The following MYOF variants were observed in gnomAD, a reference collection of about 807,000 sequenced individuals.
MYOF encodes myoferlin.
In MYOF, 244 loss-of-function variants were observed where a neutral mutation model predicts 284.2. That is an observed-to-expected ratio of 0.86 (90% CI 0.77 to 0.95). MYOF has a LOEUF of 0.95. Among genes scored for constraint, MYOF ranks in the 40% least tolerant of loss-of-function variants. The pLI is 0.00. For synonymous variants in MYOF, 904 were observed against 919.7 expected, an observed-to-expected ratio of 0.98 and a Z score of 0.31; for missense variants, 2,496 against 2,560.6, an observed-to-expected ratio of 0.97 and a Z score of 0.54.
chr10:93,432,723 A>G (rs555536907), intron 3 of MYOF, among the ~76,000 whole-genome samples: 1 of 152,198 alleles, frequency 6.6e-6, no homozygotes, highest in African/African-American at 2.4e-5. Context: ...TCTATCTCCT[A>G]TCATACCTAA....
At chr10:93,385,710 T>C (rs1268033116) in intron 19 of MYOF, among the ~76,000 whole-genome samples, 1 of 152,216 alleles carries the variant, frequency 6.6e-6, no homozygotes, top group Non-Finnish European at 1.5e-5. Context: ...TTATATTTAT[T>C]TAATTAAAAA....
In MYOF at chr10:93,408,817, G is replaced by T; in HGVS notation, c.699C>A (p.Ile233=). Residue 233 remains isoleucine (I), a synonymous_variant, in exon 7 of 54, where the codon ATC becomes ATA. Transcript: ENST00000359263. ...HVCGQTHRTR[I]KRGNNPFFDE... ...CAAAAAAAGGGTTGTTTCCTCTCTTGATTCTTGTTCGGTGTGTCTGGCCAC... is the reference window on the plus strand; with the variant it reads ...CAAAAAAAGGGTTGTTTCCTCTCTTTATTCTTGTTCGGTGTGTCTGGCCAC... The T allele has an allele frequency of 6.2e-7, 1 of 1,614,124 alleles. No individual in the cohort carries two copies. The highest frequency in any genetic ancestry group is 8.5e-7 in the Non-Finnish European group (1 of 1,180,024).
chr10:93,435,995 A>G (rs151245598), intron 3 of MYOF, among the ~76,000 whole-genome samples: 1 of 151,528 alleles, frequency 6.6e-6, no homozygotes, highest in African/African-American at 2.4e-5. Context: ...CTCCTAGAAC[A>G]TGTTCGTGTT....
At chr10:93,369,881 A>C (rs1845507811) in intron 24 of MYOF, 105 bp from the exon 25 acceptor site, 1 of 1,398,876 alleles carries the variant, frequency 7.1e-7, no homozygotes, top group Non-Finnish European at 9.8e-7. Flanking sequence ...TGCTTTCACC[A>C]GTCTAATTTT....
intron 29 of MYOF, 140 bp from the exon 30 acceptor site, chr10:93,356,988 A>G (rs1198367771): frequency 1.1e-6 from 1 of 909,564 alleles, no homozygotes; most frequent in East Asian, 2.7e-5. Flanking sequence ...TAGAGTCAGG[A>G]ATACAGAAAA....
At chr10:93,348,297 T>G (rs1844334025) in intron 36 of MYOF, among the ~76,000 whole-genome samples, 1 of 152,220 alleles carries the variant, frequency 6.6e-6, no homozygotes, top group South Asian at 2.1e-4. Flanking sequence ...GGGAAATAAC[T>G]GTGGCTGAGA....
chr10:93,310,601 C>CCTCCTTCTCGTT lies in MYOF; in HGVS notation c.5920_5931dup (p.Asn1974_Glu1977dup). On this transcript the variant is annotated inframe_insertion, in exon 52 of 54. Coordinates refer to ENST00000359263, the MANE Select transcript of MYOF (RefSeq NM_013451.4). ...CCCTTCCCGGCTGGCCTCTCGTCGG[C>CCTCCTTCTCGTT]CTCCTTCTCGTTGAGGATTTCCAAT... The CCTCCTTCTCGTT allele has an allele frequency of 6.2e-7, 1 of 1,614,180 alleles. No homozygotes were observed. The highest frequency in any genetic ancestry group is 8.5e-7 in the Non-Finnish European group (1 of 1,180,036).
At chr10:93,399,266 C>T (rs910716974) in intron 13 of MYOF, 126 bp downstream of exon 13, 2 of 673,908 alleles carry the variant, frequency 3.0e-6, no homozygotes, top group East Asian at 2.8e-5. Flanking sequence ...ATCTGTGTTC[C>T]CTCAGAGTGC....
At chr10:93,348,016 C>T (rs1292451689) in intron 36 of MYOF, among the ~76,000 whole-genome samples, 1 of 152,216 alleles carries the variant, frequency 6.6e-6, no homozygotes, top group Non-Finnish European at 1.5e-5. Context: ...GCTAACCCTT[C>T]CATGCCCCCA....
intron 32 of MYOF, among the ~76,000 whole-genome samples, chr10:93,352,230 A>G (rs1003027890): frequency 1.3e-5 from 2 of 152,134 alleles, no homozygotes; most frequent in Non-Finnish European, 2.9e-5. Flanking sequence ...AATCTTCCTA[A>G]ACGTTGATCC....
intron 36 of MYOF, among the ~76,000 whole-genome samples, 176 bp downstream of exon 36, chr10:93,349,632 T>C (rs1485023540): frequency 6.6e-6 from 1 of 152,132 alleles, no homozygotes; most frequent in African/African-American, 2.4e-5. Flanking sequence ...CTTTAAGAAA[T>C]CATCACTACA....
chr10:93,456,983 T>A, intron 1 of MYOF, 46 bp from the exon 2 acceptor site: 1 of 1,414,838 alleles, frequency 7.1e-7, no homozygotes, highest in Non-Finnish European at 9.8e-7. Flanking sequence ...TATAAAAAAA[T>A]TAAAGAGCGT....
chr10:93,465,006 C>T (rs1161765419), intron 1 of MYOF, among the ~76,000 whole-genome samples: 1 of 152,192 alleles, frequency 6.6e-6, no homozygotes, highest in Non-Finnish European at 1.5e-5. Context: ...CACACCCATA[C>T]ATGGCTAGCA....
chr10:93,334,438 C>T (rs1843502681), intron 41 of MYOF, among the ~76,000 whole-genome samples: 1 of 151,850 alleles, frequency 6.6e-6, no homozygotes, highest in Non-Finnish European at 1.5e-5. Context: ...CCCATACTCA[C>T]CCCTGGCACA....
chr10:93,315,245 A>G (rs1564611580), intron 50 of MYOF, among the ~76,000 whole-genome samples: 1 of 152,124 alleles, frequency 6.6e-6, no homozygotes, highest in African/African-American at 2.4e-5. Flanking sequence ...CTCTGCCAGG[A>G]GGGACCCCTG....
intron 1 of MYOF, among the ~76,000 whole-genome samples, chr10:93,467,300 A>T (rs2134370656): frequency 6.8e-6 from 1 of 147,160 alleles, no homozygotes; most frequent in Middle Eastern, 3.5e-3. Context: ...ATATCTCCTA[A>T]TGCTATCCCT....
chr10:93,390,060 G>A (rs528368514), intron 17 of MYOF, among the ~76,000 whole-genome samples: 1 of 152,166 alleles, frequency 6.6e-6, no homozygotes, highest in South Asian at 2.1e-4. Context: ...TGAGGCAAAG[G>A]CTTCAGCCTA....
In MYOF at chr10:93,402,251, C is replaced by A. The variant is rs746877048; in HGVS notation, c.971G>T (p.Gly324Val). 5.6e-6 allele frequency: 9 copies of A among 1,613,906 alleles called. No individual in the cohort carries two copies. In the South Asian group the frequency reaches 9.9e-5, roughly 18 times the overall value. The part of the protein sequence containing the change: ...GYMKVSMFVL[G>V]TGDEPPPERR... Reference sequence around the variant, plus strand: ...ACTCACAGGAGGCTCATCTCCGGTTCCCAGGACAAACATGCTGACTTTCAT... The same window carrying A: ...ACTCACAGGAGGCTCATCTCCGGTTACCAGGACAAACATGCTGACTTTCAT... Residue 324 changes from glycine to valine, a missense_variant, in exon 11 of 54, where the codon GGA becomes GTA. Transcript: ENST00000359263.
At chr10:93,339,788 A>T (rs1843804237) in intron 39 of MYOF, among the ~76,000 whole-genome samples, 1 of 150,778 alleles carries the variant, frequency 6.6e-6, no homozygotes, top group Non-Finnish European at 1.5e-5. Context: ...TTAGAAAAAA[A>T]TTATTCCCAG....
Sources: gnomAD v4.1 joint callset for allele counts (sites outside exome capture counted in the v4.1 genomes callset) on GRCh38, gnomAD v4.1.1 for gene constraint, MANE v1.5 for transcripts, NCBI Gene and HGNC (gene_info 2026-07-23, HGNC 2026-07-21) for gene names.